CHSY3: variants seen among roughly 807,000 people sequenced by gnomAD.
CHSY3 encodes chondroitin sulfate synthase 3.
In CHSY3, 35 loss-of-function variants were observed where a neutral mutation model predicts 67.2. That is an observed-to-expected ratio of 0.52 (90% CI 0.40 to 0.69). The LOEUF is 0.69. Among genes scored for constraint, CHSY3 ranks in the 30% least tolerant of loss-of-function variants. The pLI is 0.00. For missense variants in CHSY3, 1,069 were observed against 1,138.5 expected (o/e 0.94, Z 0.88); for synonymous variants, 474 against 434.7 (o/e 1.09, Z -1.12).
rs527660027 is a variant in CHSY3 at position 130,164,874 on chromosome 5, G to C, written c.1087-19355G>C. ...ACATATACCAGTCCTGATTTAGTCA[G>C]AGAAAGTGTCCATGAGGTAGCTGAG... On this transcript the variant is annotated intron_variant, in intron 2 of 2. Coordinates refer to ENST00000305031, the MANE Select transcript of CHSY3 (RefSeq NM_175856.5). Among the ~76,000 whole-genome samples, 7 of 152,268 alleles carry C rather than the reference G, an allele frequency of 4.6e-5. No individual in the cohort carries two copies. In the East Asian group the frequency reaches 1.2e-3, roughly 25 times the overall value.
chr5:130,054,354 T>A (rs530628417), intron 2 of CHSY3, among the ~76,000 whole-genome samples: 1 of 152,324 alleles, frequency 6.6e-6, no homozygotes, highest in East Asian at 1.9e-4. Context: ...CTTCTAACCT[T>A]GTTTTCAAAT....
chr5:130,091,158 A>G (rs1766870955), intron 2 of CHSY3, among the ~76,000 whole-genome samples: 1 of 151,518 alleles, frequency 6.6e-6, no homozygotes, highest in African/African-American at 2.4e-5. Context: ...ACACACACAC[A>G]CACACTACTT....
intron 2 of CHSY3, chr5:130,140,961 C>T: frequency 1.3e-6 from 1 of 799,000 alleles, no homozygotes; most frequent in East Asian, 1.1e-4. Flanking sequence ...TTCCATGGCA[C>T]TCTAGACTCC....
At chr5:130,055,483 T>C (rs1347617824) in intron 2 of CHSY3, among the ~76,000 whole-genome samples, 1 of 152,162 alleles carries the variant, frequency 6.6e-6, no homozygotes, top group Non-Finnish European at 1.5e-5. Context: ...GTGGAAAATA[T>C]TTTAAGTTCT....
Position 130,020,422 on chromosome 5 carries a change from AATATATATATAT to A in CHSY3, c.1086+112091_1086+112102del, listed in dbSNP as rs1174657766. 1.6e-3 allele frequency among the ~76,000 whole-genome samples: 53 copies of A among 33,312 alleles called. 2 individuals are homozygous for A. The highest frequency in any genetic ancestry group is 6.4e-3 in the East Asian group (6 of 932). 21.9% of individuals were successfully genotyped at this position (33,312 alleles called of 152,430 possible). ...GCAACAAAGCAAGACTTCATCTCAAAATATATATATATATATATATATATATATATATATATA... is the reference window on the plus strand; with the variant it reads ...GCAACAAAGCAAGACTTCATCTCAAAATATATATATATATATATATATATA... On this transcript the variant is annotated intron_variant, in intron 2 of 2. Coordinates refer to ENST00000305031, the MANE Select transcript of CHSY3 (RefSeq NM_175856.5).
At chr5:129,916,759 A>G (rs879701737) in intron 2 of CHSY3, among the ~76,000 whole-genome samples, 1 of 152,214 alleles carries the variant, frequency 6.6e-6, no homozygotes, top group Admixed American at 6.5e-5. Flanking sequence ...GCAGTAAACA[A>G]CACACATGCC....
At chr5:130,180,954 A>G (rs1336357527) in intron 2 of CHSY3, among the ~76,000 whole-genome samples, 2 of 152,252 alleles carry the variant, frequency 1.3e-5, no homozygotes, top group East Asian at 3.8e-4. Flanking sequence ...AAGGTAATGA[A>G]AGTTTAATGC....
chr5:129,931,150 GA>G (rs994324190), intron 2 of CHSY3, among the ~76,000 whole-genome samples: 4 of 151,934 alleles, frequency 2.6e-5, no homozygotes, highest in Non-Finnish European at 5.9e-5. Context: ...GTATATTTGT[GA>G]AAAATATATC....
intron 2 of CHSY3, among the ~76,000 whole-genome samples, chr5:130,136,865 C>A (rs1768681570): frequency 6.6e-6 from 1 of 152,108 alleles, no homozygotes; most frequent in East Asian, 1.9e-4. Context: ...AACCCAAGAA[C>A]CAGATCATCA....
At chr5:130,088,686 C>T (rs1766760602) in intron 2 of CHSY3, among the ~76,000 whole-genome samples, 2 of 152,088 alleles carry the variant, frequency 1.3e-5, no homozygotes, top group Admixed American at 1.3e-4. Flanking sequence ...CATCTCACAC[C>T]AGTTAGAATG....
chr5:130,085,000 A>C (rs1294980425), intron 2 of CHSY3, among the ~76,000 whole-genome samples: 1 of 152,018 alleles, frequency 6.6e-6, no homozygotes, highest in Non-Finnish European at 1.5e-5. Context: ...TTATGTTTTC[A>C]TGTTAACGCT....
At chr5:130,009,508 A>G (rs1413261677) in intron 2 of CHSY3, among the ~76,000 whole-genome samples, 1 of 152,096 alleles carries the variant, frequency 6.6e-6, no homozygotes, top group Non-Finnish European at 1.5e-5. Context: ...GCCACCAAAA[A>G]AAAAAAGAAG....
chr5:130,046,262 T>C lies in CHSY3; in HGVS notation c.1086+137902T>C, dbSNP rs150480876. On this transcript the variant is annotated intron_variant, in intron 2 of 2. Coordinates refer to ENST00000305031, the MANE Select transcript of CHSY3 (RefSeq NM_175856.5). ...AGCATACAAATGAAGGTGAACTACA[T>C]TATCTATCGCCAAAGTTAGACTGAT... is the stretch of plus-strand genomic sequence containing the variant. Among the ~76,000 whole-genome samples the C allele has an allele frequency of 3.9e-5, 6 of 152,220 alleles. No homozygotes were observed. In the East Asian group the frequency reaches 9.7e-4, roughly 25 times the overall value.
chr5:130,011,684 T>A (rs569005057), intron 2 of CHSY3, among the ~76,000 whole-genome samples: 1 of 152,104 alleles, frequency 6.6e-6, no homozygotes, highest in Non-Finnish European at 1.5e-5. Flanking sequence ...AATCAAACTA[T>A]CTCTATTATG....
intron 2 of CHSY3, among the ~76,000 whole-genome samples, chr5:129,936,917 T>C (rs1761511677): frequency 6.6e-6 from 1 of 152,142 alleles, no homozygotes; most frequent in Non-Finnish European, 1.5e-5. Flanking sequence ...TCTGGAATGC[T>C]CTCCTGCTCC....
Position 130,146,643 on chromosome 5 carries a change from A to G in CHSY3, c.1087-37586A>G, listed in dbSNP as rs188750919. Among the ~76,000 whole-genome samples the G allele has an allele frequency of 4.8e-4, 73 of 152,278 alleles. 2 individuals are homozygous for G. The South Asian group carries it at 0.014, about 29-fold the overall frequency. On this transcript the variant is annotated intron_variant, in intron 2 of 2. Coordinates refer to ENST00000305031, the MANE Select transcript of CHSY3 (RefSeq NM_175856.5). ...TATTTTCTCCACAAAGAAATGATAA[A>G]TGCGTTTATCATTAAGGTAATGGAT... is the stretch of plus-strand genomic sequence containing the variant.
At chr5:130,040,294 G>A (rs1764972910) in intron 2 of CHSY3, among the ~76,000 whole-genome samples, 1 of 152,110 alleles carries the variant, frequency 6.6e-6, no homozygotes, top group Non-Finnish European at 1.5e-5. Context: ...ACCACGTGAA[G>A]ACAAATCACA....
intron 2 of CHSY3, among the ~76,000 whole-genome samples, chr5:130,019,574 C>T (rs1764307795): frequency 6.6e-6 from 1 of 152,182 alleles, no homozygotes; most frequent in Admixed American, 6.5e-5. Flanking sequence ...CATTTCCCAC[C>T]TAATTAGTCT....
At chr5:130,067,766 C>CTA (rs372075028) in intron 2 of CHSY3, among the ~76,000 whole-genome samples, 9 of 152,226 alleles carry the variant, frequency 5.9e-5, no homozygotes, top group African/African-American at 2.2e-4. Context: ...GTTTGTATAT[C>CTA]TGCTTTTGTG....
Sources: gnomAD v4.1 joint callset for allele counts (sites outside exome capture counted in the v4.1 genomes callset) on GRCh38, gnomAD v4.1.1 for gene constraint, MANE v1.5 for transcripts, NCBI Gene and HGNC (gene_info 2026-07-23, HGNC 2026-07-21) for gene names.